C13orf42: variants seen among roughly 807,000 people sequenced by gnomAD.
C13orf42 encodes the protein chromosome 13 open reading frame 42.
chr13:51,084,700 G>A (rs966525326), intron 3 of C13orf42, among the ~76,000 whole-genome samples: 2 of 152,226 alleles, frequency 1.3e-5, no homozygotes, highest in African/African-American at 4.8e-5. Flanking sequence ...GACAGGCAAG[G>A]CCCTGCAGCA....
chr13:51,130,778 G>GT (rs1461628773), intron 1 of C13orf42, among the ~76,000 whole-genome samples: 1 of 151,752 alleles, frequency 6.6e-6, no homozygotes, highest in African/African-American at 2.4e-5. Flanking sequence ...AGTTAACATT[G>GT]TAACATATAG....
rs139125105 is a variant in C13orf42 at position 51,121,104 on chromosome 13, T to C, written n.137-7882A>G. On this transcript the variant is annotated intron_variant and non_coding_transcript_variant, in intron 1 of 4. Coordinates refer to the C13orf42 transcript ENST00000433280. ...AAGGGTTCTCCAGCCACACAAGCTGTAGTGGTTGGTAGCTGAGCCCAGGGT... is the reference window on the plus strand; with the variant it reads ...AAGGGTTCTCCAGCCACACAAGCTGCAGTGGTTGGTAGCTGAGCCCAGGGT... Among the ~76,000 whole-genome samples the C allele has an allele frequency of 4.6e-3, 702 of 152,276 alleles. 4 individuals are homozygous for C. The highest frequency in any genetic ancestry group is 9.4e-3 in the Admixed American group (144 of 15,302).
chr13:51,161,950 G>A (rs1166150157), intron 1 of C13orf42: 4 of 480,910 alleles, frequency 8.3e-6, no homozygotes, highest in African/African-American at 4.0e-5. Flanking sequence ...TTCCCACGTT[G>A]TATTCATCTC....
intron 1 of C13orf42, among the ~76,000 whole-genome samples, chr13:51,089,091 AGAGTT>A (rs749561594): frequency 5.3e-5 from 8 of 152,348 alleles, no homozygotes; most frequent in South Asian, 4.1e-4. Context: ...GATTCAATGT[AGAGTT>A]ATTTTATTTT....
chr13:51,083,839 A>G lies in C13orf42; in HGVS notation c.*312T>C. ...TGGAGAATGAGGACCAGGCCAGGTG[A>G]GGTCAGGGGAGTGAGCCCAGACACT... On this transcript the variant is annotated 3_prime_UTR_variant, in exon 4 of 4. Coordinates refer to ENST00000563710, the MANE Select transcript of C13orf42 (RefSeq NM_001351589.3). 4.6e-6 allele frequency: 1 copy of G among 216,292 alleles called. No individual in the cohort carries two copies. Among genetic ancestry groups the G allele is most frequent in the Non-Finnish European group, 9.1e-6 (1 of 110,360 alleles). 13.4% of individuals were successfully genotyped at this position (216,292 alleles called of 1,614,324 possible).
At chr13:51,121,417 G>A (rs1447745036) in intron 1 of C13orf42, among the ~76,000 whole-genome samples, 1 of 152,100 alleles carries the variant, frequency 6.6e-6, no homozygotes. Flanking sequence ...ATTAGTGACA[G>A]CATCTATTGG....
At chr13:51,094,093 G>A (rs993261629) in intron 1 of C13orf42, among the ~76,000 whole-genome samples, 15 of 152,042 alleles carry the variant, frequency 9.9e-5, no homozygotes, top group South Asian at 6.2e-4. Context: ...TGGTGGATCC[G>A]GAGTCTCTTT....
chr13:51,164,689 A>G (rs779823395), intron 1 of C13orf42, among the ~76,000 whole-genome samples: 3 of 152,216 alleles, frequency 2.0e-5, no homozygotes, highest in Non-Finnish European at 2.9e-5. Flanking sequence ...AAAAACCTGA[A>G]TAACAATTTT....
chr13:51,125,580 TA>T (rs1357488161), intron 1 of C13orf42, among the ~76,000 whole-genome samples: 2 of 152,132 alleles, frequency 1.3e-5, no homozygotes, highest in African/African-American at 4.8e-5. Context: ...AAGTGAATAT[TA>T]AAAAAATTCA....
intron 1 of C13orf42, among the ~76,000 whole-genome samples, chr13:51,139,692 A>G (rs1023013313): frequency 1.3e-5 from 2 of 152,204 alleles, no homozygotes; most frequent in Non-Finnish European, 2.9e-5. Flanking sequence ...TCCCACCAGC[A>G]CCATGACAGT....
intron 1 of C13orf42, among the ~76,000 whole-genome samples, chr13:51,166,461 G>T (rs1407818920): frequency 2.1e-5 from 2 of 96,568 alleles, no homozygotes; most frequent in Non-Finnish European, 4.1e-5. Context: ...GGGGAGGGGG[G>T]AGGGATAGCA....
At chr13:51,171,624 C>T (rs865837331) in intron 1 of C13orf42, among the ~76,000 whole-genome samples, 3 of 152,158 alleles carry the variant, frequency 2.0e-5, no homozygotes, top group East Asian at 1.9e-4. Context: ...TTATCACCTC[C>T]CCTCCTCACA....
intron 1 of C13orf42, among the ~76,000 whole-genome samples, chr13:51,126,978 A>C (rs1953582453): frequency 6.6e-6 from 1 of 152,170 alleles, no homozygotes; most frequent in Admixed American, 6.5e-5. Flanking sequence ...TAGCCTGTGT[A>C]ACATGATGAA....
At chr13:51,149,249 G>A (rs1267768664) in intron 1 of C13orf42, among the ~76,000 whole-genome samples, 2 of 149,102 alleles carry the variant, frequency 1.3e-5, no homozygotes, top group Admixed American at 6.8e-5. Flanking sequence ...TCTGAAGGCT[G>A]CTTAGAAATT....
intron 1 of C13orf42, among the ~76,000 whole-genome samples, chr13:51,121,503 T>C (rs1953535175): frequency 6.6e-6 from 1 of 151,996 alleles, no homozygotes; most frequent in Admixed American, 6.6e-5. Flanking sequence ...GATTTGGCTA[T>C]TCCACTTCTA....
At chr13:51,155,144 T>C (rs1302702690) in intron 1 of C13orf42, among the ~76,000 whole-genome samples, 1 of 152,146 alleles carries the variant, frequency 6.6e-6, no homozygotes, top group African/African-American at 2.4e-5. Flanking sequence ...AAGCTAAATA[T>C]TAAAGCCTAT....
intron 1 of C13orf42, among the ~76,000 whole-genome samples, chr13:51,138,324 G>C (rs756057818): frequency 1.3e-5 from 2 of 152,138 alleles, no homozygotes; most frequent in Non-Finnish European, 2.9e-5. Context: ...GCACATTTGC[G>C]TGTAGGTTAA....
At chr13:51,161,931 C>T in intron 1 of C13orf42, 1 of 494,508 alleles carries the variant, frequency 2.0e-6, no homozygotes, top group Non-Finnish European at 4.0e-6. Flanking sequence ...CCTGGCTGAC[C>T]ATCAGTGCTT....
chr13:51,118,402 G>A (rs1171207455), intron 1 of C13orf42, among the ~76,000 whole-genome samples: 1 of 152,184 alleles, frequency 6.6e-6, no homozygotes, highest in East Asian at 1.9e-4. Context: ...CCTACCTCAC[G>A]CTTCCTCACA....
Sources: allele counts gnomAD v4.1 joint callset (sites outside exome capture counted in the v4.1 genomes callset), GRCh38; gene constraint gnomAD v4.1.1; transcripts MANE v1.5; gene names NCBI Gene and HGNC (gene_info 2026-07-23, HGNC 2026-07-21).